ACAT1: variants seen among roughly 807,000 people sequenced by gnomAD.
ACAT1 encodes the protein acetyl-CoA acetyltransferase 1, also known as acetyl-CoA acetyltransferase, mitochondrial.
A neutral mutation model predicts 47.3 loss-of-function variants in ACAT1; 28 were observed. That is an observed-to-expected ratio of 0.59 (90% CI 0.44 to 0.81). The LOEUF (loss-of-function observed/expected upper bound fraction) is 0.81. ACAT1 is among the 30% of genes least tolerant of loss of function. The pLI, the probability that ACAT1 is intolerant of heterozygous loss-of-function variation, is 0.00. For synonymous variants in ACAT1, 181 were observed against 173.6 expected, an observed-to-expected ratio of 1.04 and a Z score of -0.34; for missense variants, 469 against 524.3, an observed-to-expected ratio of 0.89 and a Z score of 1.03.
upstream of ACAT1, among the ~76,000 whole-genome samples, chr11:108,120,460 G>A (rs2077127989): frequency 6.6e-6 from 1 of 152,030 alleles, no homozygotes; most frequent in African/African-American, 2.4e-5. Context: ...AGGATCCCCT[G>A]AGACCAGGAG....
At position 108,139,665 on chromosome 11, in the gene ACAT1, A is replaced by G. The variant is rs181677518; in HGVS notation, c.580-400A>G. 3.0e-3 allele frequency among the ~76,000 whole-genome samples: 462 copies of G among 152,068 alleles called. 2 individuals carry two copies. Among genetic ancestry groups the G allele is most frequent in the African/African-American group, 6.6e-3 (272 of 41,500 alleles). On this transcript the variant is annotated intron_variant, in intron 6 of 11. Transcript: ENST00000265838. ...ATGTGTGTGTGTATATATATATGTT[A>G]TTATTATTTTTTTGAAATGGTGTCT...
chr11:108,133,699 TGA>T, intron 2 of ACAT1, 119 bp from the exon 3 acceptor site: 1 of 791,062 alleles, frequency 1.3e-6, no homozygotes, highest in South Asian at 1.5e-5. Flanking sequence ...GTTCAACTAT[TGA>T]GATTAATTTT....
At chr11:108,132,021 A>G in intron 2 of ACAT1, 67 bp downstream of exon 2, 2 of 1,002,964 alleles carry the variant, frequency 2.0e-6, no homozygotes, top group Non-Finnish European at 3.1e-6. Flanking sequence ...AAATGCATAT[A>G]CTTATGATTT....
rs545826042 is a variant in ACAT1, at chr11:108,133,839, C to T, written c.140C>T (p.Ala47Val). The T allele has an allele frequency of 1.2e-6, 2 of 1,613,968 alleles. No homozygotes were observed. The highest frequency in any genetic ancestry group is 1.3e-5 in the African/African-American group (1 of 75,014). The change falls in exon 3 of 12, where the codon GCT (alanine) becomes GTT (valine). Residue 47 changes from alanine to valine, a missense_variant. Coordinates refer to ENST00000265838, the MANE Select transcript of ACAT1 (RefSeq NM_000019.4). ...TGCCAGGAAGTGGTCATAGTAAGTGCTACAAGAACACCCATTGGATCTTTT... is the reference window on the plus strand; with the variant it reads ...TGCCAGGAAGTGGTCATAGTAAGTGTTACAAGAACACCCATTGGATCTTTT... Reference protein sequence around the residue: ...PTLKEVVIVSATRTPIGSFLG... With the variant: ...PTLKEVVIVSVTRTPIGSFLG...
chr11:108,123,068 T>TACACAC (rs55958034), intron 1 of ACAT1, among the ~76,000 whole-genome samples: 88 of 149,700 alleles, frequency 5.9e-4, no homozygotes, highest in Admixed American at 8.6e-4. Flanking sequence ...CTATTAAAAA[T>TACACAC]ACACACACAC....
rs1565298881 is a variant in ACAT1, at chr11:108,147,378, T to A, written c.1272T>A (p.Ile424=). 1.9e-6 allele frequency: 3 copies of A among 1,613,654 alleles called. No homozygotes were observed. Among genetic ancestry groups the A allele is most frequent in the Non-Finnish European group, 2.5e-6 (3 of 1,179,812 alleles). The change falls in exon 12 of 12, where the codon ATT becomes ATA. Residue 424 remains isoleucine (I), a synonymous_variant. Coordinates refer to ENST00000265838, the MANE Select transcript of ACAT1 (RefSeq NM_000019.4). ...GAGGAGGTGCTTCTGCCATGCTAAT[T>A]CAGAAGCTGTAGACAACCTCTGCTA... ...NGGGGASAML[I]QKL
intron 1 of ACAT1, 166 bp downstream of exon 1, chr11:108,121,844 G>A: frequency 1.5e-6 from 1 of 688,162 alleles, no homozygotes; most frequent in Non-Finnish European, 2.4e-6. Context: ...TAAGTGCTCC[G>A]ATAACACCCA....
chr11:108,131,175 G>C (rs1055452633), intron 1 of ACAT1, among the ~76,000 whole-genome samples: 12 of 152,066 alleles, frequency 7.9e-5, no homozygotes, highest in African/African-American at 2.7e-4. Context: ...TATATGAGAT[G>C]TGTTTGCCTC....
intron 5 of ACAT1, among the ~76,000 whole-genome samples, chr11:108,137,110 T>C (rs954995695): frequency 6.6e-6 from 1 of 152,216 alleles, no homozygotes; most frequent in African/African-American, 2.4e-5. Flanking sequence ...CATATAATAA[T>C]ATTAAAAGCA....
intron 5 of ACAT1, among the ~76,000 whole-genome samples, chr11:108,138,181 G>A (rs923765674): frequency 6.6e-6 from 1 of 151,782 alleles, no homozygotes; most frequent in Non-Finnish European, 1.5e-5. Flanking sequence ...TAGAGATGGG[G>A]TTTCACTGTT....
rs1050634424 is a variant in ACAT1, at chr11:108,121,622, G to C, written c.16G>C (p.Ala6Pro). 1.9e-6 allele frequency: 3 copies of C among 1,550,800 alleles called. No individual in the cohort carries two copies. The highest frequency in any genetic ancestry group is 2.7e-5 in the African/African-American group (2 of 73,266). Reference protein sequence around the residue: MAVLAALLRSGARSRS... With the variant: MAVLAPLLRSGARSRS... ...CTCTGCGACCATGGCTGTGCTGGCGGCACTTCTGCGCAGCGGCGCCCGCAG... is the reference window on the plus strand; with the variant it reads ...CTCTGCGACCATGGCTGTGCTGGCGCCACTTCTGCGCAGCGGCGCCCGCAG... The change falls in exon 1 of 12, where the codon GCA (alanine) becomes CCA (proline). Residue 6 changes from alanine (A) to proline (P), a missense_variant. Ala to Pro is a conservative substitution (Grantham distance 27). Transcript: ENST00000265838.
chr11:108,139,606 A>G (rs1250118712), intron 6 of ACAT1, among the ~76,000 whole-genome samples: 1 of 152,036 alleles, frequency 6.6e-6, no homozygotes, highest in African/African-American at 2.4e-5. Context: ...AAAAGACATG[A>G]GTGAAAAGTG....
chr11:108,122,230 C>G (rs1465209880), intron 1 of ACAT1, among the ~76,000 whole-genome samples: 1 of 152,258 alleles, frequency 6.6e-6, no homozygotes, highest in South Asian at 2.1e-4. Flanking sequence ...ATAAATTATA[C>G]TTGACATATG....
At chr11:108,133,753 ATGTT>A (rs2077406691) in intron 2 of ACAT1, 63 bp from the exon 3 acceptor site, 1 of 1,266,110 alleles carries the variant, frequency 7.9e-7, no homozygotes, top group Non-Finnish European at 1.2e-6. Context: ...TAATATATTT[ATGTT>A]TATTTAATGA....
chr11:108,122,989 C>T (rs1174030328), intron 1 of ACAT1, among the ~76,000 whole-genome samples: 3 of 152,044 alleles, frequency 2.0e-5, no homozygotes, highest in Non-Finnish European at 4.4e-5. Context: ...CTTTGGGAGG[C>T]CGGGGTGGGT....
chr11:108,136,670 AC>A (rs2077474815), intron 5 of ACAT1: 1 of 152,172 alleles, frequency 6.6e-6, no homozygotes, highest in Non-Finnish European at 1.5e-5. Flanking sequence ...AATATTTATG[AC>A]CTTAGAAAAC....
chr11:108,117,365 T>G (rs1591347490), upstream of ACAT1, among the ~76,000 whole-genome samples: 1 of 151,034 alleles, frequency 6.6e-6, no homozygotes, highest in Non-Finnish European at 1.5e-5. Flanking sequence ...TGGAGTACAG[T>G]GGCACGATCT....
At chr11:108,142,416 C>G in intron 8 of ACAT1, 21 bp from the exon 9 acceptor site, 1 of 1,586,812 alleles carries the variant, frequency 6.3e-7, no homozygotes, top group Non-Finnish European at 8.6e-7. Context: ...GTTTTGACTT[C>G]AACCTCATTT....
At chr11:108,120,705 C>G (rs1334554002), upstream of ACAT1, among the ~76,000 whole-genome samples, 1 of 152,118 alleles carries the variant, frequency 6.6e-6, no homozygotes, top group Non-Finnish European at 1.5e-5. Flanking sequence ...GGACTGGAAT[C>G]ACCTGAGGCC....
Sources: allele counts gnomAD v4.1 joint callset (sites outside exome capture counted in the v4.1 genomes callset), GRCh38; gene constraint gnomAD v4.1.1; transcripts MANE v1.5; gene names NCBI Gene and HGNC (gene_info 2026-07-23, HGNC 2026-07-21).